ANO3: variants seen among roughly 807,000 people sequenced by gnomAD.
ANO3 encodes the protein anoctamin-3.
ANO3 carries 99 observed loss-of-function variants against 144.8 expected under a neutral mutation model. The observed-to-expected ratio is 0.68, with a 90% confidence interval of 0.58 to 0.81. The LOEUF is 0.81. Ranked by LOEUF, ANO3 falls within the 30% of genes least tolerant of loss-of-function variation. The probability of loss-of-function intolerance (pLI) is 0.00; values close to 1 mark genes in which losing one functional copy is unlikely to be tolerated. For missense variants in ANO3, 905 were observed against 1,202.2 expected (o/e 0.75, Z 3.66); for synonymous variants, 414 against 392.6 (o/e 1.05, Z -0.64).
intron 1 of ANO3, among the ~76,000 whole-genome samples, chr11:26,431,352 G>C (rs1443339627): frequency 6.6e-6 from 1 of 152,224 alleles, no homozygotes; most frequent in Non-Finnish European, 1.5e-5. Context: ...ATGATGCTGA[G>C]ATTTGGGGTA....
chr11:26,409,828 G>A (rs1346149257), intron 1 of ANO3, among the ~76,000 whole-genome samples: 2 of 151,958 alleles, frequency 1.3e-5, no homozygotes, highest in African/African-American at 4.8e-5. Flanking sequence ...AAATGATGTA[G>A]TAATAAAGAT....
chr11:26,642,237 A>G, intron 22 of ANO3, among the ~76,000 whole-genome samples: 1 of 152,178 alleles, frequency 6.6e-6, no homozygotes, highest in East Asian at 1.9e-4. Flanking sequence ...TGCATTGACC[A>G]AAATGAAAGT....
chr11:26,301,065 G>A (rs931563977), intron 1 of ANO3, among the ~76,000 whole-genome samples: 1 of 147,080 alleles, frequency 6.8e-6, no homozygotes, highest in East Asian at 2.0e-4. Context: ...TGTTGGCCAG[G>A]TTGGTCTTGA....
chr11:26,403,086 A>G (rs68042708), intron 1 of ANO3, among the ~76,000 whole-genome samples: 23,905 of 151,820 alleles, frequency 0.16, 2,034 homozygotes, highest in South Asian at 0.21. Flanking sequence ...ACTTACCTAC[A>G]TTCCAGACTT....
intron 1 of ANO3, among the ~76,000 whole-genome samples, chr11:26,277,813 C>A (rs1381267760): frequency 6.6e-6 from 1 of 151,840 alleles, no homozygotes; most frequent in Non-Finnish European, 1.5e-5. Context: ...CATCTCTGGA[C>A]TGTGAGTTTT....
intron 1 of ANO3, among the ~76,000 whole-genome samples, chr11:26,436,969 A>AT (rs1858318686): frequency 6.6e-6 from 1 of 151,984 alleles, no homozygotes; most frequent in African/African-American, 2.4e-5. Context: ...ATCACCTTGG[A>AT]TTCCCCAGAG....
At chr11:26,237,660 G>A (rs775423971) in intron 1 of ANO3, among the ~76,000 whole-genome samples, 1 of 151,974 alleles carries the variant, frequency 6.6e-6, no homozygotes, top group South Asian at 2.1e-4. Flanking sequence ...TATAATGGAA[G>A]TGAAGAACAT....
At chr11:26,489,028 T>C (rs1185344487) in intron 4 of ANO3, among the ~76,000 whole-genome samples, 1 of 152,148 alleles carries the variant, frequency 6.6e-6, no homozygotes, top group African/African-American at 2.4e-5. Context: ...CACAATCCCT[T>C]AGCTAGACAC....
At chr11:26,277,688 C>A (rs1853588776) in intron 1 of ANO3, among the ~76,000 whole-genome samples, 1 of 151,662 alleles carries the variant, frequency 6.6e-6, no homozygotes, top group Admixed American at 6.6e-5. Context: ...TTTCTTTTCT[C>A]TTTAGGAGAC....
intron 4 of ANO3, among the ~76,000 whole-genome samples, chr11:26,482,382 A>T (rs1860254403): frequency 6.6e-6 from 1 of 151,794 alleles, no homozygotes; most frequent in Non-Finnish European, 1.5e-5. Flanking sequence ...TTACAAATCT[A>T]ACATTTTAAT....
intron 4 of ANO3, among the ~76,000 whole-genome samples, chr11:26,468,349 C>A (rs979124466): frequency 6.6e-6 from 1 of 151,950 alleles, no homozygotes; most frequent in Non-Finnish European, 1.5e-5. Context: ...ATCTATTTTT[C>A]AGTTACAGTG....
chr11:26,340,635 T>A (rs116521716), intron 1 of ANO3, among the ~76,000 whole-genome samples: 11,021 of 152,222 alleles, frequency 0.072, 526 homozygotes, highest in South Asian at 0.15. Context: ...ATATTATAAC[T>A]ATGTGCACAT....
chr11:26,469,489 TAAC>T (rs1386131581), intron 4 of ANO3, among the ~76,000 whole-genome samples: 1 of 151,924 alleles, frequency 6.6e-6, no homozygotes, highest in Admixed American at 6.6e-5. Context: ...ACATCTCACA[TAAC>T]AAATGAATTA....
At chr11:26,395,763 C>G (rs1033849599) in intron 1 of ANO3, among the ~76,000 whole-genome samples, 1 of 151,988 alleles carries the variant, frequency 6.6e-6, no homozygotes, top group African/African-American at 2.4e-5. Flanking sequence ...TGAAACTGGA[C>G]CCCTTCCTTA....
chr11:26,277,641 T>C (rs1313459433), intron 1 of ANO3, among the ~76,000 whole-genome samples: 1 of 152,040 alleles, frequency 6.6e-6, no homozygotes. Context: ...TCACATAGGC[T>C]GTTCCTTCTG....
intron 1 of ANO3, among the ~76,000 whole-genome samples, chr11:26,236,817 CAAA>C (rs55979503): frequency 3.6e-3 from 315 of 86,720 alleles, no homozygotes; most frequent in African/African-American, 0.013. Context: ...GACTCCGTCT[CAAA>C]AAAAAAAAAA....
intron 4 of ANO3, among the ~76,000 whole-genome samples, chr11:26,498,352 C>T (rs573816579): frequency 4.4e-4 from 66 of 151,650 alleles, no homozygotes; most frequent in East Asian, 1.5e-3. Context: ...AAAATAGTCA[C>T]GCAAGGCTAT....
chr11:26,567,231 T>C, intron 14 of ANO3: 2 of 805,044 alleles, frequency 2.5e-6, no homozygotes, highest in Non-Finnish European at 3.5e-6. Flanking sequence ...ATGGAAAATT[T>C]ACTTTAAAAA....
chr11:26,584,149 TTG>T (rs912291071), intron 14 of ANO3, among the ~76,000 whole-genome samples: 2 of 50,288 alleles, frequency 4.0e-5, no homozygotes, highest in African/African-American at 1.5e-4. Flanking sequence ...TCTTGTTTTT[TTG>T]TTTGTTTGTT....
Sources: allele counts gnomAD v4.1 joint callset (sites outside exome capture counted in the v4.1 genomes callset), GRCh38; gene constraint gnomAD v4.1.1; transcripts MANE v1.5; gene names NCBI Gene and HGNC (gene_info 2026-07-23, HGNC 2026-07-21).